DCX: variants seen among roughly 807,000 people sequenced by gnomAD.
DCX encodes neuronal migration protein doublecortin.
A neutral mutation model predicts 20.9 loss-of-function variants in DCX; 4 were observed. The observed-to-expected ratio is 0.19, with a 90% CI of 0.09 to 0.44. The LOEUF (loss-of-function observed/expected upper bound fraction) is 0.44, where lower values mean the gene tolerates loss of function less well. Among genes scored for constraint, DCX ranks in the 20% least tolerant of loss-of-function variants. The pLI, the probability that DCX is intolerant of heterozygous loss-of-function variation, is 0.99. For synonymous variants in DCX, 103 were observed against 111.4 expected (o/e 0.92, Z 0.47); for missense variants, 133 against 296.9 (o/e 0.45, Z 4.06).
Position 111,410,156 on chromosome X carries a change from G to A in DCX, c.243C>T (p.Asp81=), listed in dbSNP as rs1928578527. ...AVSSDRFRSF[D]ALLADLTRSL... is the part of the protein sequence containing the mutation. ...ATCGCGTCAGGTCAGCCAGCAAGGC[G>A]TCAAAGCTGCGAAAACGGTCAGAGG... is the stretch of plus-strand genomic sequence containing the variant. Residue 81 remains aspartate (D), a synonymous_variant, in exon 2 of 7, where the codon GAC becomes GAT. Transcript: ENST00000636035. The A allele has an allele frequency of 8.3e-7, 1 of 1,211,739 alleles. No individual in the cohort carries two copies. The highest frequency in any genetic ancestry group is 1.1e-6 in the Non-Finnish European group (1 of 895,557).
At chrX:111,400,954 G>GA (rs1433319468) in intron 3 of DCX, 36 bp downstream of exon 3, 1 of 1,160,364 alleles carries the variant, frequency 8.6e-7, no homozygotes, top group Non-Finnish European at 1.2e-6. Context: ...TAAGAATTTA[G>GA]AAAAAACGGG....
At position 111,342,339 on chromosome X, in the gene DCX, T is replaced by TTATATATATATATATATA. The variant is rs60045433; in HGVS notation, c.706-9204_706-9187dup. Among the ~76,000 whole-genome samples, 9 of 20,739 alleles carry TTATATATATATATATATA rather than the reference T, an allele frequency of 4.3e-4. 1 individual carries two copies. Among genetic ancestry groups the TTATATATATATATATATA allele is most frequent in the African/African-American group, 5.9e-4 (6 of 10,107 alleles). 18.0% of individuals were successfully genotyped at this position (20,739 alleles called of 115,157 possible). ...ACAATTCAACAAGAAGAGCTAACTA[T>TTATATATATATATATATA]TATATATATATATATATATATATAT... On this transcript the variant is annotated intron_variant, in intron 3 of 6. Coordinates refer to ENST00000636035, the MANE Select transcript of DCX (RefSeq NM_001195553.2).
At chrX:111,361,970 A>C (rs1323468970) in intron 3 of DCX, among the ~76,000 whole-genome samples, 1 of 111,941 alleles carries the variant, frequency 8.9e-6, no homozygotes, top group Non-Finnish European at 1.9e-5. Flanking sequence ...CTGCTGTGGT[A>C]AAAGCATTTG....
intron 3 of DCX, among the ~76,000 whole-genome samples, chrX:111,335,143 C>T (rs1378865872): frequency 8.9e-6 from 1 of 112,090 alleles, no homozygotes; most frequent in East Asian, 2.8e-4. Context: ...CTGCCTTTGA[C>T]CCTGACTAGC....
At chrX:111,344,038 C>A (rs1454499998) in intron 3 of DCX, among the ~76,000 whole-genome samples, 1 of 111,802 alleles carries the variant, frequency 8.9e-6, no homozygotes, top group Non-Finnish European at 1.9e-5. Flanking sequence ...AAAACTTATG[C>A]ATCATGAACA....
At chrX:111,323,504 G>C (rs759673969) in intron 5 of DCX, among the ~76,000 whole-genome samples, 4 of 110,139 alleles carry the variant, frequency 3.6e-5, no homozygotes, top group Non-Finnish European at 7.6e-5. Flanking sequence ...GCCCACAAGA[G>C]ATGAGATATC....
rs747989609 is a variant in DCX, at chrX:111,363,872, A to G, written c.706-30719T>C. On this transcript the variant is annotated intron_variant, in intron 3 of 6. Transcript: ENST00000636035. Reference sequence around the variant, plus strand: ...CTCAATGAAGATTAAGTGAAATTTAATGGTACTAATTGCCATTTGCATGGG... The same window carrying G: ...CTCAATGAAGATTAAGTGAAATTTAGTGGTACTAATTGCCATTTGCATGGG... Among the ~76,000 whole-genome samples the G allele has an allele frequency of 5.4e-5, 6 of 111,778 alleles. No individual in the cohort carries two copies. The East Asian group carries it at 1.7e-3, about 32-fold the overall frequency.
chrX:111,335,606 C>T (rs749276566), intron 3 of DCX, among the ~76,000 whole-genome samples: 4 of 112,380 alleles, frequency 3.6e-5, no homozygotes, highest in South Asian at 3.7e-4. Flanking sequence ...CTATTCTTCA[C>T]GTAACTATGC....
Position 111,369,636 on chromosome X carries a change from C to T in DCX, c.705+31354G>A, listed in dbSNP as rs765379668. On this transcript the variant is annotated intron_variant, in intron 3 of 6. Coordinates refer to ENST00000636035, the MANE Select transcript of DCX (RefSeq NM_001195553.2). ...GAAAAAGTGGTGGCCCTACGACTGG[C>T]ACACTGCAAATCACATAATCTATTA... 5.4e-5 allele frequency among the ~76,000 whole-genome samples: 6 copies of T among 112,012 alleles called. No homozygotes were observed. In the South Asian group the frequency reaches 2.3e-3, roughly 42 times the overall value.
intron 5 of DCX, among the ~76,000 whole-genome samples, chrX:111,315,137 T>C (rs1603413060): frequency 1.8e-5 from 2 of 109,324 alleles, no homozygotes; most frequent in African/African-American, 6.9e-5. Flanking sequence ...TTGATTTTTG[T>C]ATAAGGTGTA....
chrX:111,309,534 T>C (rs1253909615), intron 6 of DCX, among the ~76,000 whole-genome samples: 1 of 111,883 alleles, frequency 8.9e-6, no homozygotes, highest in Non-Finnish European at 1.9e-5. Context: ...AAAAACCAGT[T>C]CAATCTTCAT....
intron 6 of DCX, among the ~76,000 whole-genome samples, chrX:111,303,512 C>T (rs1324465195): frequency 9.0e-6 from 1 of 111,461 alleles, no homozygotes; most frequent in Admixed American, 9.6e-5. Flanking sequence ...GGGAATTTAT[C>T]TAACATTGAA....
chrX:111,318,100 G>A (rs939205448), intron 5 of DCX, among the ~76,000 whole-genome samples: 3 of 103,976 alleles, frequency 2.9e-5, no homozygotes, highest in Admixed American at 1.1e-4. Flanking sequence ...CAGGAGAATC[G>A]CTTGAACCAG....
intron 3 of DCX, among the ~76,000 whole-genome samples, chrX:111,383,953 T>C (rs1463558807): frequency 2.7e-5 from 3 of 111,237 alleles, no homozygotes; most frequent in African/African-American, 9.8e-5. Flanking sequence ...TGAGTCTAGA[T>C]GCCATTTTAA....
chrX:111,394,622 C>T (rs1927189746), intron 3 of DCX, among the ~76,000 whole-genome samples: 1 of 111,966 alleles, frequency 8.9e-6, no homozygotes, highest in South Asian at 3.7e-4. Flanking sequence ...ACCATTGCTT[C>T]AACAGTTTTA....
At chrX:111,313,420 C>A (rs1376600907) in intron 5 of DCX, among the ~76,000 whole-genome samples, 1 of 108,935 alleles carries the variant, frequency 9.2e-6, no homozygotes, top group Non-Finnish European at 1.9e-5. Context: ...AGGAGAAAAT[C>A]AAAAAAGAGA....
At chrX:111,380,110 T>C (rs754521999) in intron 3 of DCX, among the ~76,000 whole-genome samples, 1 of 111,884 alleles carries the variant, frequency 8.9e-6, no homozygotes, top group South Asian at 3.7e-4. Flanking sequence ...GATTTTCAAA[T>C]ATTTTCTTCC....
At chrX:111,384,582 T>C (rs900637708) in intron 3 of DCX, among the ~76,000 whole-genome samples, 1 of 111,876 alleles carries the variant, frequency 8.9e-6, no homozygotes, top group Non-Finnish European at 1.9e-5. Context: ...GCTAGTACAA[T>C]ACTCTGCAAA....
At chrX:111,388,505 A>G (rs766478665) in intron 3 of DCX, among the ~76,000 whole-genome samples, 2 of 112,063 alleles carry the variant, frequency 1.8e-5, no homozygotes, top group Non-Finnish European at 3.8e-5. Context: ...ATTCTACCCT[A>G]TGGTCATAGA....
Sources: gnomAD v4.1 joint callset for allele counts (sites outside exome capture counted in the v4.1 genomes callset) on GRCh38, gnomAD v4.1.1 for gene constraint, MANE v1.5 for transcripts, NCBI Gene and HGNC (gene_info 2026-07-23, HGNC 2026-07-21) for gene names.